Variants in VPS8 observed in about 807,000 individuals in gnomAD.
VPS8 encodes VPS8 subunit of CORVET complex.
VPS8 carries 129 observed loss-of-function variants against 216.4 expected under a neutral mutation model. The observed-to-expected ratio is 0.60, with a 90% confidence interval of 0.52 to 0.69. The LOEUF is 0.69. Ranked by LOEUF, VPS8 falls within the 30% of genes least tolerant of loss-of-function variation. VPS8 has a pLI of 0.00. For missense variants in VPS8, 1,531 were observed against 1,683.5 expected, an observed-to-expected ratio of 0.91 and a Z score of 1.59; for synonymous variants, 571 against 565.4, an observed-to-expected ratio of 1.01 and a Z score of -0.14.
At chr3:184,817,636 A>G (rs965180714) in intron 1 of VPS8, among the ~76,000 whole-genome samples, 15 of 152,248 alleles carry the variant, frequency 9.9e-5, no homozygotes, top group African/African-American at 3.4e-4. Flanking sequence ...TTCTTATGGT[A>G]TAGATTCCTA....
intron 13 of VPS8, among the ~76,000 whole-genome samples, chr3:184,855,170 C>T (rs1341402029): frequency 4.0e-5 from 6 of 151,802 alleles, no homozygotes; most frequent in African/African-American, 7.3e-5. Flanking sequence ...TTTTTTTCAA[C>T]ATTTTATTAT....
chr3:185,006,682 A>G (rs542132586), intron 45 of VPS8, among the ~76,000 whole-genome samples: 1 of 152,278 alleles, frequency 6.6e-6, no homozygotes, highest in Admixed American at 6.5e-5. Flanking sequence ...ATCCCTGGTT[A>G]AGTTCCTACA....
chr3:185,022,432 A>T (rs1318786338), intron 45 of VPS8, among the ~76,000 whole-genome samples: 1 of 152,222 alleles, frequency 6.6e-6, no homozygotes, highest in Non-Finnish European at 1.5e-5. Flanking sequence ...AGGAATTTTC[A>T]TTGCAGAAGG....
Position 185,031,076 on chromosome 3 carries a change from T to G in VPS8, c.4056+6687T>G, listed in dbSNP as rs9878847. ...TTACAGGTTGGCGTTTTTTTTTTTT[T>G]TTTTTTTTTTTTTTTAAGGGAAAAA... On this transcript the variant is annotated intron_variant, in intron 46 of 47. Coordinates refer to ENST00000625842, the MANE Select transcript of VPS8 (RefSeq NM_001009921.3). Among the ~76,000 whole-genome samples the G allele has an allele frequency of 3.5e-3, 437 of 123,878 alleles. 3 individuals carry two copies. Among genetic ancestry groups the G allele is most frequent in the Admixed American group, 5.5e-3 (72 of 13,052 alleles). 81.3% of individuals were successfully genotyped at this position (123,878 alleles called of 152,430 possible).
chr3:184,977,345 C>T (rs959649446), intron 40 of VPS8, among the ~76,000 whole-genome samples: 2 of 152,016 alleles, frequency 1.3e-5, no homozygotes, highest in African/African-American at 2.4e-5. Flanking sequence ...CTTATAGATT[C>T]TAGATATTAG....
At chr3:184,957,598 G>T in intron 37 of VPS8, 77 bp downstream of exon 37, 3 of 1,421,686 alleles carry the variant, frequency 2.1e-6, no homozygotes, top group South Asian at 3.0e-5. Context: ...CAAAGACAAG[G>T]GGAAAAAATA....
Position 184,948,742 on chromosome 3 carries a change from G to C in VPS8, c.3035+8499G>C, listed in dbSNP as rs183950779. ...ACCATGTAGACATGGCACCAGGCTA[G>C]TTATTCTAAGGGCTTCAATGGCCCC... On this transcript the variant is annotated intron_variant, in intron 36 of 47. Transcript: ENST00000625842. Among the ~76,000 whole-genome samples, 339 of 152,294 alleles carry C rather than the reference G, an allele frequency of 2.2e-3. 2 individuals carry two copies. The highest frequency in any genetic ancestry group is 3.6e-3 in the Non-Finnish European group (246 of 68,020).
At chr3:184,979,057 T>C (rs957095213) in intron 40 of VPS8, among the ~76,000 whole-genome samples, 5 of 152,230 alleles carry the variant, frequency 3.3e-5, no homozygotes, top group African/African-American at 1.2e-4. Context: ...TCATTGTTTT[T>C]ACCCAAAAGT....
intron 37 of VPS8, among the ~76,000 whole-genome samples, chr3:184,961,741 T>C (rs75912953): frequency 6.6e-6 from 1 of 150,662 alleles, no homozygotes. Flanking sequence ...TTTTTACCAA[T>C]TTTTTTGTTT....
At chr3:184,854,513 C>G (rs1485770613) in intron 13 of VPS8, among the ~76,000 whole-genome samples, 1 of 152,224 alleles carries the variant, frequency 6.6e-6, no homozygotes, top group Non-Finnish European at 1.5e-5. Flanking sequence ...CACCTAACTT[C>G]ATGCATGGCA....
In VPS8 at chr3:184,826,220, A is replaced by C; in HGVS notation, c.211A>C (p.Ile71Leu). ...QVDTPPTLES[I>L]LNETDDEDES... Reference sequence around the variant, plus strand: ...TGATACTCCTCCAACACTGGAAAGCATACTAAATGAGGTAAGTGAATATTA... The same window carrying C: ...TGATACTCCTCCAACACTGGAAAGCCTACTAAATGAGGTAAGTGAATATTA... Residue 71 changes from isoleucine (I) to leucine (L), a missense_variant, in exon 3 of 48, where the codon ATA (isoleucine) becomes CTA (leucine). Coordinates refer to ENST00000625842, the MANE Select transcript of VPS8 (RefSeq NM_001009921.3). The C allele has an allele frequency of 1.9e-6, 3 of 1,609,958 alleles. No individual in the cohort carries two copies. Among genetic ancestry groups the C allele is most frequent in the Non-Finnish European group, 2.5e-6 (3 of 1,177,462 alleles).
At chr3:184,951,765 T>C (rs1437862982) in intron 36 of VPS8, among the ~76,000 whole-genome samples, 2 of 152,186 alleles carry the variant, frequency 1.3e-5, no homozygotes, top group African/African-American at 4.8e-5. Flanking sequence ...GGGAAATGGA[T>C]ATAACAAATT....
At chr3:185,043,144 G>A (rs1231545903) in intron 46 of VPS8, among the ~76,000 whole-genome samples, 3 of 152,086 alleles carry the variant, frequency 2.0e-5, no homozygotes, top group Admixed American at 6.6e-5. Context: ...CCATGAAACC[G>A]TATACATTCA....
intron 47 of VPS8, among the ~76,000 whole-genome samples, chr3:185,050,379 C>T (rs1713945352): frequency 6.6e-6 from 1 of 152,150 alleles, no homozygotes; most frequent in South Asian, 2.1e-4. Flanking sequence ...GTCTCTGGGC[C>T]AGGACCTGGA....
intron 21 of VPS8, among the ~76,000 whole-genome samples, chr3:184,885,788 A>T (rs1731105674): frequency 6.6e-6 from 1 of 152,156 alleles, no homozygotes; most frequent in African/African-American, 2.4e-5. Context: ...AATGTAATTC[A>T]TATTTCTTTT....
intron 46 of VPS8, among the ~76,000 whole-genome samples, chr3:185,030,293 T>C (rs540331118): frequency 1.1e-4 from 17 of 152,364 alleles, no homozygotes; most frequent in African/African-American, 3.8e-4. Context: ...AAGTTGGGTC[T>C]GTTACATTTA....
In VPS8 at chr3:184,926,622, A is replaced by G. The variant is rs769890987; in HGVS notation, c.2603A>G (p.Asp868Gly). 58 of 1,605,310 alleles carry G rather than the reference A, an allele frequency of 3.6e-5. No homozygotes were observed. The highest frequency in any genetic ancestry group is 4.8e-5 in the Non-Finnish European group (57 of 1,175,868). ...QVLEFLCSPD[D>G]DSRHSERQQV... ...CTTGAATTCCTTTGTAGTCCTGACGATGACTCCCGACACTCTGAAAGACAG... is the reference window on the plus strand; with the variant it reads ...CTTGAATTCCTTTGTAGTCCTGACGGTGACTCCCGACACTCTGAAAGACAG... Residue 868 changes from aspartate (D) to glycine (G), a missense_variant, in exon 31 of 48, where the codon GAT (aspartate) becomes GGT (glycine). Physicochemically the swap from Asp to Gly is moderately conservative, Grantham distance 94. Coordinates refer to ENST00000625842, the MANE Select transcript of VPS8 (RefSeq NM_001009921.3).
At position 184,860,134 on chromosome 3, in the gene VPS8, A is replaced by C; in HGVS notation, c.1224+69A>C. The C allele has an allele frequency of 2.4e-6, 3 of 1,259,996 alleles. No individual in the cohort carries two copies. In the Admixed American group the frequency reaches 6.0e-5, roughly 25 times the overall value. 78.1% of individuals were successfully genotyped at this position (1,259,996 alleles called of 1,614,324 possible). The stretch of plus-strand genomic sequence containing the variant: ...TTGTTCTGAATCTATGATATATTAA[A>C]GCTACCAGGATTTCTGCCAAGAATT... On this transcript the variant is annotated intron_variant, in intron 15 of 47. Transcript: ENST00000625842.
intron 36 of VPS8, among the ~76,000 whole-genome samples, chr3:184,949,046 C>G (rs781458685): frequency 8.5e-5 from 13 of 152,086 alleles, no homozygotes; most frequent in Non-Finnish European, 1.8e-4. Context: ...TGGCTCACAC[C>G]TGTAACCTCA....
Sources: allele counts gnomAD v4.1 joint callset (sites outside exome capture counted in the v4.1 genomes callset), GRCh38; gene constraint gnomAD v4.1.1; transcripts MANE v1.5; gene names NCBI Gene and HGNC (gene_info 2026-07-23, HGNC 2026-07-21).